Variants in SPOCK1 observed in about 807,000 individuals in gnomAD.
The protein encoded by SPOCK1 is SPARC (osteonectin), cwcv and kazal like domains proteoglycan 1.
Under a neutral mutation model 55.3 loss-of-function variants are expected in SPOCK1, and 23 were observed. The ratio of observed to expected loss-of-function variants is 0.42; its 90% confidence interval spans 0.30 to 0.59. The LOEUF (loss-of-function observed/expected upper bound fraction) is 0.59, where lower values mean the gene tolerates loss of function less well. SPOCK1 is among the 20% of genes least tolerant of loss of function. The pLI, the probability that SPOCK1 is intolerant of heterozygous loss-of-function variation, is 0.22. For synonymous variants in SPOCK1, 226 were observed against 221.0 expected (o/e 1.02, Z -0.20); for missense variants, 499 against 552.5 (o/e 0.90, Z 0.97).
At chr5:137,188,661 G>A (rs574931640) in intron 3 of SPOCK1, among the ~76,000 whole-genome samples, 10 of 100,074 alleles carry the variant, frequency 1.0e-4, no homozygotes, top group Admixed American at 8.2e-4. Context: ...ATTGAAATTC[G>A]GCCAATTAAT....
At chr5:137,320,857 C>T (rs928868865) in intron 2 of SPOCK1, among the ~76,000 whole-genome samples, 15 of 152,044 alleles carry the variant, frequency 9.9e-5, no homozygotes, top group African/African-American at 3.6e-4. Flanking sequence ...ATAAGGCTCA[C>T]AAAGTAATGG....
chr5:137,266,312 C>T (rs1756850595), intron 3 of SPOCK1, among the ~76,000 whole-genome samples: 1 of 152,116 alleles, frequency 6.6e-6, no homozygotes, highest in Admixed American at 6.5e-5. Flanking sequence ...GTGCAATCTA[C>T]CATCATTTTC....
At chr5:137,057,584 T>G (rs562254963) in intron 6 of SPOCK1, among the ~76,000 whole-genome samples, 6 of 152,320 alleles carry the variant, frequency 3.9e-5, no homozygotes, top group African/African-American at 1.2e-4. Flanking sequence ...AACTCTACTT[T>G]TATAGCTAAA....
intron 2 of SPOCK1, among the ~76,000 whole-genome samples, chr5:137,411,665 T>C (rs1752210972): frequency 6.6e-6 from 1 of 152,204 alleles, no homozygotes. Context: ...CCTCCCCTCA[T>C]GGGCCTCACT....
At chr5:137,228,217 T>C (rs1399076132) in intron 3 of SPOCK1, among the ~76,000 whole-genome samples, 3 of 152,326 alleles carry the variant, frequency 2.0e-5, no homozygotes, top group African/African-American at 4.8e-5. Context: ...GCTGTCATTG[T>C]ACACAGTTTG....
intron 4 of SPOCK1, among the ~76,000 whole-genome samples, chr5:137,133,017 AG>A (rs1244722656): frequency 2.0e-5 from 3 of 152,220 alleles, no homozygotes; most frequent in Non-Finnish European, 4.4e-5. Flanking sequence ...TGGGAAAACA[AG>A]GCAGAACAAG....
rs17646886 is a variant in SPOCK1 at position 137,089,293 on chromosome 5, A to C, written c.475-21464T>G. On this transcript the variant is annotated intron_variant, in intron 5 of 10. Transcript: ENST00000394945. ...ACTTCAGAAGCCACTGTGTCTCAAC[A>C]GCATTTTCTAATTTTCTGGTTAGTC... is the stretch of plus-strand genomic sequence containing the variant. Among the ~76,000 whole-genome samples, 2,488 of 152,348 alleles carry C rather than the reference A, an allele frequency of 0.016. 136 individuals are homozygous for C. The East Asian group carries it at 0.22, about 14-fold the overall frequency.
intron 3 of SPOCK1, among the ~76,000 whole-genome samples, chr5:137,213,811 C>A (rs1484586877): frequency 1.3e-5 from 2 of 152,212 alleles, no homozygotes. Context: ...TTCCTCCCAT[C>A]TGGGGTTGCT....
At chr5:137,227,291 G>C (rs1560930) in intron 3 of SPOCK1, among the ~76,000 whole-genome samples, 2 of 152,172 alleles carry the variant, frequency 1.3e-5, no homozygotes, top group Middle Eastern at 3.4e-3. Context: ...ATCTATTGTA[G>C]AAAGCAAGGA....
intron 2 of SPOCK1, among the ~76,000 whole-genome samples, chr5:137,403,122 C>T (rs905933162): frequency 1.3e-5 from 2 of 152,220 alleles, no homozygotes; most frequent in African/African-American, 4.8e-5. Context: ...TACACTGGCA[C>T]CTTAATTCCC....
chr5:137,114,842 C>A (rs904720500), intron 4 of SPOCK1, among the ~76,000 whole-genome samples: 1 of 152,228 alleles, frequency 6.6e-6, no homozygotes, highest in Non-Finnish European at 1.5e-5. Context: ...TGAAGCAATT[C>A]TTGTTATGAG....
At chr5:137,252,753 A>G (rs976546656) in intron 3 of SPOCK1, among the ~76,000 whole-genome samples, 3 of 152,254 alleles carry the variant, frequency 2.0e-5, no homozygotes, top group African/African-American at 7.2e-5. Flanking sequence ...ATACACTAAC[A>G]AAACTACAAT....
At chr5:137,481,348 A>G (rs1337400362) in intron 2 of SPOCK1, among the ~76,000 whole-genome samples, 1 of 152,166 alleles carries the variant, frequency 6.6e-6, no homozygotes, top group Non-Finnish European at 1.5e-5. Context: ...TTAGTCTTGA[A>G]TTTCACACCC....
At chr5:137,338,781 AT>A (rs1561508892) in intron 2 of SPOCK1, among the ~76,000 whole-genome samples, 1 of 151,838 alleles carries the variant, frequency 6.6e-6, no homozygotes, top group Non-Finnish European at 1.5e-5. Flanking sequence ...GATGATGAGC[AT>A]TTTTTCATGT....
chr5:137,175,249 T>C (rs10515489), intron 3 of SPOCK1, among the ~76,000 whole-genome samples: 20,916 of 152,084 alleles, frequency 0.14, 1,544 homozygotes, highest in East Asian at 0.23. Flanking sequence ...ATGTAGAAAC[T>C]GTGGGTAGTA....
intron 2 of SPOCK1, among the ~76,000 whole-genome samples, chr5:137,324,709 G>A (rs1015207431): frequency 3.3e-5 from 5 of 151,846 alleles, no homozygotes; most frequent in African/African-American, 9.7e-5. Context: ...ACAACAATAT[G>A]CATATAATAA....
intron 6 of SPOCK1, among the ~76,000 whole-genome samples, chr5:137,040,011 G>T (rs954936902): frequency 2.6e-5 from 4 of 152,226 alleles, no homozygotes; most frequent in African/African-American, 4.8e-5. Context: ...TCCCAGGAGA[G>T]CTTCTCTGAA....
At chr5:137,440,112 A>G (rs1477728948) in intron 2 of SPOCK1, among the ~76,000 whole-genome samples, 1 of 152,244 alleles carries the variant, frequency 6.6e-6, no homozygotes, top group Non-Finnish European at 1.5e-5. Context: ...AATGATTACC[A>G]TGAATATCTT....
chr5:137,032,591 A>G (rs1243776961), intron 6 of SPOCK1, among the ~76,000 whole-genome samples: 4 of 152,148 alleles, frequency 2.6e-5, no homozygotes, highest in Non-Finnish European at 5.9e-5. Flanking sequence ...CAATGTGGAA[A>G]ATGACGGTAC....
Sources: allele counts gnomAD v4.1 joint callset (sites outside exome capture counted in the v4.1 genomes callset), GRCh38; gene constraint gnomAD v4.1.1; transcripts MANE v1.5; gene names NCBI Gene and HGNC (gene_info 2026-07-23, HGNC 2026-07-21).